CCM2: variants seen among roughly 807,000 people sequenced by gnomAD.
The protein encoded by CCM2 is CCM2 scaffold protein.
A neutral mutation model predicts 44.9 loss-of-function variants in CCM2; 25 were observed. The ratio of observed to expected loss-of-function variants is 0.56; its 90% CI spans 0.41 to 0.78. The LOEUF (loss-of-function observed/expected upper bound fraction) is 0.78, where lower values mean the gene tolerates loss of function less well. CCM2 is among the 30% of genes least tolerant of loss of function. CCM2 has a pLI of 0.00. For synonymous variants in CCM2, 219 were observed against 241.1 expected (o/e 0.91, Z 0.85); for missense variants, 481 against 580.6 (o/e 0.83, Z 1.76).
intron 1 of CCM2, among the ~76,000 whole-genome samples, chr7:45,002,989 T>C (rs189071735): frequency 1.3e-3 from 194 of 152,288 alleles, no homozygotes; most frequent in African/African-American, 4.3e-3. Context: ...AGTGTCTACT[T>C]TTTAGCCTAC....
intron 1 of CCM2, among the ~76,000 whole-genome samples, chr7:45,007,797 C>G (rs1222107276): frequency 6.6e-6 from 1 of 152,142 alleles, no homozygotes; most frequent in East Asian, 1.9e-4. Context: ...CGTGGTGTCA[C>G]TGTTCTTAAG....
At chr7:45,023,505 G>T (rs576897079) in intron 1 of CCM2, among the ~76,000 whole-genome samples, 1 of 152,270 alleles carries the variant, frequency 6.6e-6, no homozygotes, top group African/African-American at 2.4e-5. Flanking sequence ...AGCTGAGATC[G>T]TGCCACTGGA....
At chr7:45,037,538 C>G (rs1270436682) in intron 1 of CCM2, among the ~76,000 whole-genome samples, 2 of 151,304 alleles carry the variant, frequency 1.3e-5, no homozygotes, top group African/African-American at 4.9e-5. Context: ...CTGCCTTAGC[C>G]TCCCGAGCAG....
At chr7:45,033,039 C>T (rs943355374) in intron 1 of CCM2, among the ~76,000 whole-genome samples, 13 of 83,024 alleles carry the variant, frequency 1.6e-4, no homozygotes, top group Admixed American at 7.1e-4. Context: ...AGCAAAACTC[C>T]GTCTCAAAAA....
At chr7:45,018,493 A>C (rs888574678) in intron 1 of CCM2, among the ~76,000 whole-genome samples, 1 of 151,848 alleles carries the variant, frequency 6.6e-6, no homozygotes, top group Non-Finnish European at 1.5e-5. Flanking sequence ...GGTAGCTGTG[A>C]TTATAGGCAC....
At chr7:45,026,301 A>C (rs1033060110) in intron 1 of CCM2, among the ~76,000 whole-genome samples, 5 of 152,200 alleles carry the variant, frequency 3.3e-5, no homozygotes, top group Non-Finnish European at 7.3e-5. Context: ...ATATTGACTC[A>C]AATCTAGTTC....
chr7:45,013,581 G>A (rs1241753832), intron 1 of CCM2, among the ~76,000 whole-genome samples: 2 of 152,148 alleles, frequency 1.3e-5, no homozygotes, highest in East Asian at 1.9e-4. Flanking sequence ...TTAAAATCAG[G>A]AAATTGACAT....
intron 1 of CCM2, 91 bp downstream of exon 1, chr7:45,000,454 C>CA (rs1554353521): frequency 2.4e-5 from 2 of 82,012 alleles, no homozygotes; most frequent in Admixed American, 3.9e-4. Flanking sequence ...CCTTGGGGCC[C>CA]GGGGGGGGGG....
Position 45,063,906 on chromosome 7 carries a change from A to G in CCM2, c.205-12A>G, listed in dbSNP as rs1798640738. ...CATTTCTCATGGCATTTTTTTCTTC[A>G]CTTTCTTTCAGTATTTAGGTCAGTT... is the stretch of plus-strand genomic sequence containing the variant. On this transcript the variant is annotated splice_polypyrimidine_tract_variant and intron_variant, in intron 2 of 9. Coordinates refer to ENST00000258781, the MANE Select transcript of CCM2 (RefSeq NM_031443.4). The G allele has an allele frequency of 6.3e-7, 1 of 1,588,980 alleles. No individual in the cohort carries two copies. Among genetic ancestry groups the G allele is most frequent in the African/African-American group, 1.4e-5 (1 of 74,056 alleles).
At chr7:45,061,456 CTTTTTT>C (rs57140747) in intron 2 of CCM2, among the ~76,000 whole-genome samples, 2 of 122,282 alleles carry the variant, frequency 1.6e-5, no homozygotes, top group African/African-American at 6.3e-5. Flanking sequence ...TTCTTTCTTT[CTTTTTT>C]TTTTTTTTTT....
intron 2 of CCM2, among the ~76,000 whole-genome samples, chr7:45,052,356 G>A (rs1798053403): frequency 3.3e-5 from 5 of 152,222 alleles, no homozygotes; most frequent in Admixed American, 2.6e-4. Flanking sequence ...GGGCTGTAGT[G>A]TATTTGCTTG....
chr7:45,035,656 C>T (rs1797180790), intron 1 of CCM2, among the ~76,000 whole-genome samples: 2 of 152,096 alleles, frequency 1.3e-5, no homozygotes, highest in Non-Finnish European at 2.9e-5. Flanking sequence ...GTCCAGTCAG[C>T]CCAAGTGAGA....
intron 2 of CCM2, among the ~76,000 whole-genome samples, chr7:45,048,089 A>G (rs577554915): frequency 3.0e-4 from 46 of 152,356 alleles, no homozygotes; most frequent in African/African-American, 1.0e-3. Flanking sequence ...TTGATAAGCA[A>G]TAGGAATATA....
intron 1 of CCM2, among the ~76,000 whole-genome samples, chr7:45,014,267 GC>G (rs1796175487): frequency 6.6e-6 from 1 of 151,926 alleles, no homozygotes; most frequent in Admixed American, 6.6e-5. Flanking sequence ...AGCCTCCCGA[GC>G]AGCTGGGATT....
Position 45,076,013 on chromosome 7 carries a change from G to A in CCM2, c.1291G>A (p.Asp431Asn), listed in dbSNP as rs1018695949. 3.7e-6 allele frequency: 6 copies of A among 1,613,064 alleles called. No homozygotes were observed. Among genetic ancestry groups the A allele is most frequent in the Non-Finnish European group, 5.1e-6 (6 of 1,180,032 alleles). The change falls in exon 10 of 10, where the codon GAC (aspartate) becomes AAC (asparagine). Residue 431 changes from aspartate to asparagine, a missense_variant. Physicochemically the swap from Asp to Asn is conservative, Grantham distance 23. Coordinates refer to ENST00000258781, the MANE Select transcript of CCM2 (RefSeq NM_031443.4). ...CCGCATGATCTCGGACATCAGCAGCGACATTGAGGCGCTGGGCTGCAGCAT... is the reference window on the plus strand; with the variant it reads ...CCGCATGATCTCGGACATCAGCAGCAACATTGAGGCGCTGGGCTGCAGCAT... ...WDRMISDISS[D>N]IEALGCSMDQ...
intron 2 of CCM2, among the ~76,000 whole-genome samples, chr7:45,043,320 C>A (rs959285019): frequency 6.6e-6 from 1 of 151,886 alleles, no homozygotes; most frequent in African/African-American, 2.4e-5. Context: ...CCAAACCAGA[C>A]AAAAAACAGT....
chr7:45,061,745 A>C (rs1798536068), intron 2 of CCM2, among the ~76,000 whole-genome samples: 1 of 152,070 alleles, frequency 6.6e-6, no homozygotes, highest in Non-Finnish European at 1.5e-5. Context: ...TTGGCCATCC[A>C]AAGTCCTGGG....
At chr7:45,004,811 C>A (rs558677563) in intron 1 of CCM2, among the ~76,000 whole-genome samples, 12 of 151,908 alleles carry the variant, frequency 7.9e-5, no homozygotes, top group Admixed American at 1.3e-4. Context: ...CTGAGACCAG[C>A]CATGGTGAAA....
intron 1 of CCM2, among the ~76,000 whole-genome samples, chr7:45,015,119 T>C (rs999013054): frequency 1.3e-5 from 2 of 152,212 alleles, no homozygotes; most frequent in Non-Finnish European, 2.9e-5. Context: ...TCCTTGCTTT[T>C]AGTGGAAATG....
Sources: gnomAD v4.1 joint callset for allele counts (sites outside exome capture counted in the v4.1 genomes callset) on GRCh38, gnomAD v4.1.1 for gene constraint, MANE v1.5 for transcripts, NCBI Gene and HGNC (gene_info 2026-07-23, HGNC 2026-07-21) for gene names.